The following CGNL1 variants were observed in gnomAD, a reference collection of about 807,000 sequenced individuals.
The protein encoded by CGNL1 is cingulin-like protein 1.
Under a neutral mutation model 141.2 loss-of-function variants are expected in CGNL1, and 132 were observed. The observed-to-expected ratio is 0.93, with a 90% confidence interval of 0.81 to 1.08. CGNL1 has a LOEUF of 1.08. CGNL1 is among the 50% of genes least tolerant of loss of function. The pLI, the probability that CGNL1 is intolerant of heterozygous loss-of-function variation, is 0.00. For synonymous variants in CGNL1, 690 were observed against 622.1 expected, an observed-to-expected ratio of 1.11 and a Z score of -1.63; for missense variants, 1,870 against 1,588.6, an observed-to-expected ratio of 1.18 and a Z score of -3.01.
chr15:57,454,770 A>T (rs1173230660), intron 7 of CGNL1, among the ~76,000 whole-genome samples: 1 of 152,164 alleles, frequency 6.6e-6, no homozygotes, highest in Non-Finnish European at 1.5e-5. Context: ...ATTCCTTAAA[A>T]ACCACCACAT....
At chr15:57,457,636 G>C (rs2063395632) in intron 7 of CGNL1, among the ~76,000 whole-genome samples, 1 of 152,176 alleles carries the variant, frequency 6.6e-6, no homozygotes, top group Non-Finnish European at 1.5e-5. Flanking sequence ...GAGGGTGAAA[G>C]GCACCTCTCA....
intron 8 of CGNL1, 117 bp from the exon 9 acceptor site, chr15:57,516,663 C>T: frequency 9.2e-7 from 1 of 1,092,178 alleles, no homozygotes; most frequent in Non-Finnish European, 1.3e-6. Flanking sequence ...CCTGGCTCAG[C>T]ACAGGGCCTG....
intron 1 of CGNL1, among the ~76,000 whole-genome samples, chr15:57,389,209 A>G (rs949903940): frequency 6.6e-6 from 1 of 152,160 alleles, no homozygotes; most frequent in Admixed American, 6.5e-5. Flanking sequence ...CAGGAAATAA[A>G]TGAAGATTAG....
intron 17 of CGNL1, 105 bp from the exon 18 acceptor site, chr15:57,545,971 C>G: frequency 7.7e-7 from 1 of 1,302,872 alleles, no homozygotes; most frequent in South Asian, 1.4e-5. Context: ...TGCCCCATTG[C>G]CCATGTCTTG....
intron 8 of CGNL1, among the ~76,000 whole-genome samples, chr15:57,510,673 A>G (rs1362793015): frequency 6.6e-6 from 1 of 152,172 alleles, no homozygotes; most frequent in Non-Finnish European, 1.5e-5. Context: ...GGAAAAACCC[A>G]AGCCTTGAAA....
chr15:57,524,312 G>A (rs1350063676), intron 11 of CGNL1, among the ~76,000 whole-genome samples: 1 of 152,176 alleles, frequency 6.6e-6, no homozygotes, highest in Non-Finnish European at 1.5e-5. Context: ...TTAACGACGT[G>A]CCCCAGTCAT....
rs142670683 is a variant in CGNL1, at chr15:57,461,841, A to C, written c.2352A>C (p.Gln784His). The change falls in exon 8 of 19, where the codon CAA (glutamine) becomes CAC (histidine). Residue 784 changes from glutamine to histidine, a missense_variant. By Grantham distance (24) the Gln-to-His change is conservative (BLOSUM62 0). Transcript: ENST00000281282. ...AGGAGATGGACAAGCTGAAGGAGCA[A>C]TATGATGCTGAGTTGCAGGCCCTGA... ...HDQEMDKLKE[Q>H]YDAELQALRE... The C allele has an allele frequency of 1.9e-6, 3 of 1,613,946 alleles. No homozygotes were observed. The highest frequency in any genetic ancestry group is 2.5e-6 in the Non-Finnish European group (3 of 1,180,006).
At chr15:57,437,582 A>C (rs1038349590) in intron 1 of CGNL1, among the ~76,000 whole-genome samples, 1 of 146,670 alleles carries the variant, frequency 6.8e-6, no homozygotes, top group East Asian at 2.2e-4. Context: ...TTGGTTAAAA[A>C]TAAACAGCAT....
At chr15:57,383,313 TGATACAGA>T (rs2062445608) in intron 1 of CGNL1, among the ~76,000 whole-genome samples, 2 of 151,576 alleles carry the variant, frequency 1.3e-5, no homozygotes, top group African/African-American at 4.9e-5. Flanking sequence ...TTTGTTTTTT[TGATACAGA>T]GTTGCCCAGC....
chr15:57,490,241 G>A (rs2152376711), intron 8 of CGNL1, among the ~76,000 whole-genome samples: 1 of 152,280 alleles, frequency 6.6e-6, no homozygotes, highest in African/African-American at 2.4e-5. Context: ...TATATTAAAT[G>A]GGGATACTGG....
intron 1 of CGNL1, among the ~76,000 whole-genome samples, chr15:57,399,418 A>G (rs2062635744): frequency 6.6e-6 from 1 of 152,064 alleles, no homozygotes; most frequent in African/African-American, 2.4e-5. Context: ...TGAATACTTC[A>G]TATTATTGGT....
intron 8 of CGNL1, among the ~76,000 whole-genome samples, chr15:57,498,105 G>A (rs190499716): frequency 1.2e-4 from 18 of 152,020 alleles, no homozygotes; most frequent in African/African-American, 2.7e-4. Flanking sequence ...AGCTTTACCC[G>A]TCTCACCCAA....
In CGNL1 at chr15:57,440,408, A is replaced by G. The variant is rs139665544; in HGVS notation, c.1634A>G (p.Glu545Gly). ...CCGGATCTCTTAAAGGGCCAGCAAGAGCTCACTCAGCAAACCAATGAGGAG... is the reference window on the plus strand; with the variant it reads ...CCGGATCTCTTAAAGGGCCAGCAAGGGCTCACTCAGCAAACCAATGAGGAG... ...ATPDLLKGQQ[E>G]LTQQTNEETA... is the part of the protein sequence containing the mutation. Residue 545 changes from glutamate to glycine, a missense_variant, in exon 3 of 19, where the codon GAG (glutamate) becomes GGG (glycine). Glu to Gly is a moderately conservative substitution (Grantham distance 98). Transcript: ENST00000281282. 61 of 1,602,922 alleles carry G rather than the reference A, an allele frequency of 3.8e-5. No homozygotes were observed. The highest frequency in any genetic ancestry group is 5.2e-5 in the Non-Finnish European group (61 of 1,174,146).
chr15:57,467,081 C>G (rs1479143146), intron 8 of CGNL1, among the ~76,000 whole-genome samples: 7 of 152,108 alleles, frequency 4.6e-5, no homozygotes, highest in Non-Finnish European at 1.5e-5. Context: ...AAATACAGCA[C>G]CTTACAAACT....
intron 4 of CGNL1, among the ~76,000 whole-genome samples, chr15:57,445,155 G>T (rs774743555): frequency 2.6e-5 from 4 of 152,174 alleles, no homozygotes; most frequent in Non-Finnish European, 5.9e-5. Context: ...CAGCTACTCA[G>T]GAAGCTGAGG....
intron 8 of CGNL1, among the ~76,000 whole-genome samples, chr15:57,500,241 G>T (rs536182360): frequency 1.3e-5 from 2 of 152,306 alleles, no homozygotes; most frequent in African/African-American, 4.8e-5. Context: ...TCTGAGGCCA[G>T]ATAAGCATAA....
chr15:57,535,040 A>G (rs777700462), intron 14 of CGNL1, among the ~76,000 whole-genome samples: 2 of 152,200 alleles, frequency 1.3e-5, no homozygotes, highest in East Asian at 3.8e-4. Context: ...AACCCCTCTC[A>G]TAGACTGTTA....
rs57154500 is a variant in CGNL1, at chr15:57,396,277, G to GTTTTTTTTTTTTTTTT, written c.-16+19712_-16+19727dup. On this transcript the variant is annotated intron_variant, in intron 1 of 18. Transcript: ENST00000281282. Reference sequence around the variant, plus strand: ...ATTGTGCTACTTACTTTCTTTCTTTGTTTTTTTTTTTTTTTTTGGAAACAG... The same window carrying GTTTTTTTTTTTTTTTT: ...ATTGTGCTACTTACTTTCTTTCTTTGTTTTTTTTTTTTTTTTTTTTTTTTTTTTTTTTTGGAAACAG... Among the ~76,000 whole-genome samples the GTTTTTTTTTTTTTTTT allele has an allele frequency of 1.2e-3, 149 of 129,204 alleles. 1 individual carries two copies. The highest frequency in any genetic ancestry group is 4.1e-3 in the African/African-American group (140 of 33,946). 84.8% of individuals were successfully genotyped at this position (129,204 alleles called of 152,430 possible). A position where few individuals can be genotyped will look rare whatever the true frequency, so the allele number is the denominator to read the frequency against.
intron 17 of CGNL1, 62 bp from the exon 18 acceptor site, chr15:57,546,014 T>G: frequency 1.3e-6 from 2 of 1,556,302 alleles, no homozygotes; most frequent in East Asian, 4.5e-5. Context: ...GGACCTGGGG[T>G]AAGCTGAGCG....
Sources: allele counts gnomAD v4.1 joint callset (sites outside exome capture counted in the v4.1 genomes callset), GRCh38; gene constraint gnomAD v4.1.1; transcripts MANE v1.5; gene names NCBI Gene and HGNC (gene_info 2026-07-23, HGNC 2026-07-21).